Variants in ADGRD1 observed in about 807,000 individuals in gnomAD.
ADGRD1 encodes the protein adhesion G protein-coupled receptor D1.
A neutral mutation model predicts 113.4 loss-of-function variants in ADGRD1; 77 were observed. That is an observed-to-expected ratio of 0.68 (90% CI 0.57 to 0.82). The LOEUF (loss-of-function observed/expected upper bound fraction) is 0.82, where lower values mean the gene tolerates loss of function less well. ADGRD1 is among the 40% of genes least tolerant of loss of function. The probability of loss-of-function intolerance (pLI) is 0.00; values close to 1 mark genes in which losing one functional copy is unlikely to be tolerated. For synonymous variants in ADGRD1, 474 were observed against 475.0 expected, an observed-to-expected ratio of 1.00 and a Z score of 0.03; for missense variants, 1,036 against 1,139.1, an observed-to-expected ratio of 0.91 and a Z score of 1.30.
rs537209514 is a variant in ADGRD1, at chr12:131,021,809, C to G, written c.1473+7469C>G. Among the ~76,000 whole-genome samples, 16 of 152,256 alleles carry G rather than the reference C, an allele frequency of 1.1e-4. No individual in the cohort carries two copies. In the South Asian group the frequency reaches 2.7e-3, roughly 26 times the overall value. On this transcript the variant is annotated intron_variant, in intron 13 of 24. Transcript: ENST00000261654. The stretch of plus-strand genomic sequence containing the variant: ...TGCAGCCCTGATCGCCGGGCTCAAA[C>G]CATCCTCCTGCGTCAGCCTCCTGAG...
At chr12:131,044,346 C>G (rs569152351) in intron 13 of ADGRD1, among the ~76,000 whole-genome samples, 2 of 152,282 alleles carry the variant, frequency 1.3e-5, no homozygotes, top group South Asian at 2.1e-4. Flanking sequence ...TGGGTCCGCG[C>G]GTGTTGCTGT....
chr12:130,981,892 T>G lies in ADGRD1; in HGVS notation c.319T>G (p.Phe107Val). ...PEQCGPEGVT[F>V]SFFWKTQGEQ... is the part of the protein sequence containing the mutation. The stretch of plus-strand genomic sequence containing the variant: ...CTTGTGACTTTCCTCAGGGGTCACG[T>G]TTTCTTTTTTCTGGAAGACACAAGG... Residue 107 changes from phenylalanine (F) to valine (V), a missense_variant, in exon 5 of 25, where the codon TTT becomes GTT. Transcript: ENST00000261654. 6.2e-7 allele frequency: 1 copy of G among 1,610,678 alleles called. No individual in the cohort carries two copies. Among genetic ancestry groups the G allele is most frequent in the Non-Finnish European group, 8.5e-7 (1 of 1,177,810 alleles).
intron 13 of ADGRD1, among the ~76,000 whole-genome samples, chr12:131,065,303 T>C (rs1226191141): frequency 6.6e-6 from 1 of 152,230 alleles, no homozygotes; most frequent in Non-Finnish European, 1.5e-5. Context: ...CCTGTTGGTG[T>C]TGCTCCTGCC....
In ADGRD1 at chr12:131,122,313, G is replaced by A. The variant is rs181245093; in HGVS notation, c.2175+1400G>A. Among the ~76,000 whole-genome samples the A allele has an allele frequency of 2.0e-5, 3 of 152,238 alleles. No homozygotes were observed. In the East Asian group the frequency reaches 5.8e-4, roughly 30 times the overall value. On this transcript the variant is annotated intron_variant, in intron 20 of 24. Coordinates refer to ENST00000261654, the MANE Select transcript of ADGRD1 (RefSeq NM_198827.5). ...TCCCTCACAGCGTCTACAGAGCTCCGAGCAGGGCTGGTTTTTCTTTCAGTG... is the reference window on the plus strand; with the variant it reads ...TCCCTCACAGCGTCTACAGAGCTCCAAGCAGGGCTGGTTTTTCTTTCAGTG...
chr12:131,012,676 T>C (rs1053421786), intron 12 of ADGRD1, among the ~76,000 whole-genome samples: 4 of 152,262 alleles, frequency 2.6e-5, no homozygotes, highest in African/African-American at 7.2e-5. Context: ...GCAGGGTCAC[T>C]GAACACGGTG....
chr12:131,078,018 A>G (rs770675448), intron 14 of ADGRD1, among the ~76,000 whole-genome samples: 1 of 152,126 alleles, frequency 6.6e-6, no homozygotes, highest in Non-Finnish European at 1.5e-5. Context: ...ATCACCCTGC[A>G]TGTTGTCAGG....
In ADGRD1 at chr12:131,061,501, T is replaced by A. The variant is rs542682755; in HGVS notation, c.1474-15300T>A. On this transcript the variant is annotated intron_variant, in intron 13 of 24. Coordinates refer to ENST00000261654, the MANE Select transcript of ADGRD1 (RefSeq NM_198827.5). ...GAAATCTTGACTCATTTATAGTTGA[T>A]CTGATGTTGATTTAACTGTTTTTTT... Among the ~76,000 whole-genome samples, 29 of 152,356 alleles carry A rather than the reference T, an allele frequency of 1.9e-4. 1 individual carries two copies. In the Middle Eastern group the frequency reaches 0.01, roughly 54 times the overall value.
chr12:130,996,765 T>C, intron 8 of ADGRD1, among the ~76,000 whole-genome samples: 1 of 83,638 alleles, frequency 1.2e-5, no homozygotes, highest in Admixed American at 1.1e-4. Context: ...GGCTCCTCAC[T>C]TCCCAGTAGG....
Position 131,096,425 on chromosome 12 carries a change from TA to T in ADGRD1, c.1672-8400del, listed in dbSNP as rs1263635966. The stretch of plus-strand genomic sequence containing the variant: ...CCATGCCTGGCAAGATAGCACACTT[TA>T]AAAAATGTATGCACGTATCTTGGAG... On this transcript the variant is annotated intron_variant, in intron 15 of 24. Coordinates refer to ENST00000261654, the MANE Select transcript of ADGRD1 (RefSeq NM_198827.5). The surrounding 1 kb of genome is among the most constrained non-coding windows in gnomAD (Gnocchi z 5.2). 3.3e-5 allele frequency among the ~76,000 whole-genome samples: 5 copies of T among 152,136 alleles called. No individual in the cohort carries two copies. The highest frequency in any genetic ancestry group is 7.4e-5 in the Non-Finnish European group (5 of 68,018).
chr12:131,105,471 A>T (rs1180949902), intron 16 of ADGRD1, among the ~76,000 whole-genome samples: 1 of 152,218 alleles, frequency 6.6e-6, no homozygotes, highest in East Asian at 1.9e-4. Flanking sequence ...AGCTGGAATA[A>T]GCTGGGGCTT....
At position 131,022,167 on chromosome 12, in the gene ADGRD1, C is replaced by T. The variant is rs761294519; in HGVS notation, c.1473+7827C>T. ...CAGGTGACTTTAGTGGGGAGCAATT[C>T]GGCTCCAGCATAGCAAATATGGGAT... On this transcript the variant is annotated intron_variant, in intron 13 of 24. Coordinates refer to ENST00000261654, the MANE Select transcript of ADGRD1 (RefSeq NM_198827.5). This position sits in a 1 kb window ranked among gnomAD's most constrained non-coding sequence, Gnocchi z 4.6. Among the ~76,000 whole-genome samples the T allele has an allele frequency of 3.9e-5, 6 of 152,058 alleles. No individual in the cohort carries two copies. The highest frequency in any genetic ancestry group is 2.6e-4 in the Admixed American group (4 of 15,274).
intron 18 of ADGRD1, among the ~76,000 whole-genome samples, chr12:131,111,866 T>C (rs1487076358): frequency 1.3e-5 from 2 of 152,254 alleles, no homozygotes; most frequent in Admixed American, 1.3e-4. Context: ...CAGTTTCATT[T>C]AGTTCTTTGA....
intron 5 of ADGRD1, among the ~76,000 whole-genome samples, chr12:130,986,028 G>GT (rs368818508): frequency 2.0e-4 from 30 of 152,078 alleles, no homozygotes; most frequent in East Asian, 3.9e-4. Flanking sequence ...CTATTCATCT[G>GT]TTTTTTTCCA....
rs1411796069 is a variant in ADGRD1 at position 131,123,116 on chromosome 12, G to A, written c.2175+2203G>A. ...CTGTCGCCCAGGCTGGAGTGCAGTG[G>A]CACGATCTTGGCTTACTGCAACCTC... On this transcript the variant is annotated intron_variant, in intron 20 of 24. Transcript: ENST00000261654. Among the ~76,000 whole-genome samples, 8 of 127,178 alleles carry A rather than the reference G, an allele frequency of 6.3e-5. No individual in the cohort carries two copies. In the Admixed American group the frequency reaches 8.1e-4, roughly 13 times the overall value. 83.4% of individuals were successfully genotyped at this position (127,178 alleles called of 152,430 possible).
chr12:130,968,957 CT>C, intron 3 of ADGRD1: 1 of 1,451,338 alleles, frequency 6.9e-7, no homozygotes, highest in Non-Finnish European at 9.3e-7. Context: ...TGTGCTTTTT[CT>C]TTTTGTTGTT....
rs1350332284 is a variant in ADGRD1, at chr12:130,984,141, A to G, written c.490+2078A>G. Among the ~76,000 whole-genome samples the G allele has an allele frequency of 1.3e-5, 2 of 152,160 alleles. No homozygotes were observed. Among genetic ancestry groups the G allele is most frequent in the African/African-American group, 4.8e-5 (2 of 41,434 alleles). ...GTCCTCAGATGGGTTTTATGGTCCT[A>G]TATTGTGATTGCCTAGGCCAAGTTT... On this transcript the variant is annotated intron_variant, in intron 5 of 24. Coordinates refer to ENST00000261654, the MANE Select transcript of ADGRD1 (RefSeq NM_198827.5). The surrounding 1 kb of genome is among the most constrained non-coding windows in gnomAD (Gnocchi z 4.1).
At chr12:130,987,040 G>T (rs1308776122) in intron 5 of ADGRD1, 55 bp from the exon 6 acceptor site, 55 of 1,536,518 alleles carry the variant, frequency 3.6e-5, no homozygotes, top group Non-Finnish European at 4.9e-5. Flanking sequence ...AAAAACCTGT[G>T]CATGGGGAGC....
chr12:130,986,792 TCAAA>T, intron 5 of ADGRD1: 3 of 348,118 alleles, frequency 8.6e-6, no homozygotes, highest in African/African-American at 2.0e-5. Context: ...CTGCCATTTT[TCAAA>T]TATTTTAATC....
At chr12:131,104,552 C>T (rs959434583) in intron 15 of ADGRD1, among the ~76,000 whole-genome samples, 3 of 152,036 alleles carry the variant, frequency 2.0e-5, no homozygotes, top group African/African-American at 4.8e-5. Flanking sequence ...AGCGCCTGCC[C>T]GGGCCAGGCA....
Sources: gnomAD v4.1 joint callset for allele counts (sites outside exome capture counted in the v4.1 genomes callset) on GRCh38, gnomAD v4.1.1 for gene constraint, Gnocchi (gnomAD v3.1) non-coding constraint, MANE v1.5 for transcripts, NCBI Gene and HGNC (gene_info 2026-07-23, HGNC 2026-07-21) for gene names.